CCL26: variants seen among roughly 807,000 people sequenced by gnomAD.
CCL26 encodes the protein C-C motif chemokine ligand 26, also known as C-C motif chemokine 26.
Under a neutral mutation model 10.7 loss-of-function variants are expected in CCL26, and 10 were observed. The observed-to-expected ratio is 0.93, with a 90% CI of 0.57 to 1.58. The LOEUF is 1.58. CCL26 is among the 40% of genes most tolerant of loss of function. The pLI, the probability that CCL26 is intolerant of heterozygous loss-of-function variation, is 0.00. For missense variants in CCL26, 116 were observed against 111.0 expected (o/e 1.05, Z -0.20); for synonymous variants, 43 against 41.4 (o/e 1.04, Z -0.15).
chr7:75,790,419 TA>T (rs60349195), upstream of CCL26, among the ~76,000 whole-genome samples: 8 of 148,362 alleles, frequency 5.4e-5, no homozygotes, highest in Admixed American at 6.8e-5. Context: ...TCTGCTAACT[TA>T]AAAAAAAAAT....
At chr7:75,786,381 C>G (rs1278512429) in intron 1 of CCL26, among the ~76,000 whole-genome samples, 1 of 152,170 alleles carries the variant, frequency 6.6e-6, no homozygotes, top group East Asian at 1.9e-4. Flanking sequence ...CGCTCTGCCT[C>G]CCTCCACTAC....
At chr7:75,773,927 C>T (rs1802882843), upstream of CCL26, among the ~76,000 whole-genome samples, 1 of 152,090 alleles carries the variant, frequency 6.6e-6, no homozygotes, top group Non-Finnish European at 1.5e-5. Context: ...CCAGGCTGGT[C>T]TCAAACTCCT....
At chr7:75,779,372 C>T (rs1803011681) in intron 1 of CCL26, among the ~76,000 whole-genome samples, 1 of 152,182 alleles carries the variant, frequency 6.6e-6, no homozygotes, top group Non-Finnish European at 1.5e-5. Context: ...TCCTCCTGCT[C>T]TTTGCTCCGT....
At chr7:75,790,818 C>T (rs11534087), upstream of CCL26, among the ~76,000 whole-genome samples, 15,388 of 151,540 alleles carry the variant, frequency 0.1, 1,150 homozygotes, top group East Asian at 0.25. Context: ...ATAGTGAGTG[C>T]CTGTAGTCTC....
upstream of CCL26, among the ~76,000 whole-genome samples, chr7:75,790,344 G>T (rs1286136103): frequency 6.7e-6 from 1 of 150,202 alleles, no homozygotes; most frequent in Admixed American, 6.7e-5. Flanking sequence ...CAAGATCCTG[G>T]GCTCAAGCAG....
chr7:75,785,377 TATATTGATGAC>T (rs1803161945), intron 1 of CCL26, among the ~76,000 whole-genome samples: 2 of 152,286 alleles, frequency 1.3e-5, no homozygotes, highest in African/African-American at 4.8e-5. Flanking sequence ...CCTTATTCAA[TATATTGATGAC>T]CTTCTACTTT....
chr7:75,786,922 T>C (rs1299716907), intron 1 of CCL26, among the ~76,000 whole-genome samples: 3 of 152,224 alleles, frequency 2.0e-5, no homozygotes, highest in Non-Finnish European at 4.4e-5. Flanking sequence ...CATGGAAATC[T>C]ATCCTCAAGG....
At chr7:75,777,963 AC>A in intron 1 of CCL26, among the ~76,000 whole-genome samples, 1 of 151,260 alleles carries the variant, frequency 6.6e-6, no homozygotes, top group East Asian at 2.0e-4. Flanking sequence ...CAGGTGATTC[AC>A]CCGCCTCGGC....
chr7:75,785,360 C>T (rs1554529874), intron 1 of CCL26, among the ~76,000 whole-genome samples: 1 of 152,130 alleles, frequency 6.6e-6, no homozygotes, highest in African/African-American at 2.4e-5. Flanking sequence ...TACCCCTCTG[C>T]TTCTCACCTT....
chr7:75,778,855 G>GGT (rs1195474388), intron 1 of CCL26, among the ~76,000 whole-genome samples: 2 of 151,840 alleles, frequency 1.3e-5, no homozygotes, highest in Admixed American at 6.6e-5. Flanking sequence ...AGGTGGGGGG[G>GGT]GCAGATCACT....
intron 2 of CCL26, 107 bp downstream of exon 2, chr7:75,771,782 T>G: frequency 1.4e-6 from 1 of 732,196 alleles, no homozygotes; most frequent in Non-Finnish European, 2.5e-6. Flanking sequence ...TGTGCAGAGG[T>G]GGGGTTTCCA....
upstream of CCL26, among the ~76,000 whole-genome samples, chr7:75,773,238 A>C (rs1802869174): frequency 6.6e-6 from 1 of 152,180 alleles, no homozygotes; most frequent in Non-Finnish European, 1.5e-5. Context: ...GGCCTGGTCA[A>C]CATGGTGAAA....
chr7:75,780,102 T>C (rs1300422381), intron 1 of CCL26, among the ~76,000 whole-genome samples: 1 of 150,196 alleles, frequency 6.7e-6, no homozygotes, highest in Admixed American at 6.6e-5. Context: ...TCCCATCCCT[T>C]TTCCACTTTC....
chr7:75,780,409 CTG>C (rs1554529282), intron 1 of CCL26, among the ~76,000 whole-genome samples: 1 of 152,134 alleles, frequency 6.6e-6, no homozygotes, highest in East Asian at 1.9e-4. Flanking sequence ...CTCCCTTAGC[CTG>C]TGTTCTCAAA....
chr7:75,781,792 C>T (rs1554529494), intron 1 of CCL26, among the ~76,000 whole-genome samples: 2 of 152,058 alleles, frequency 1.3e-5, no homozygotes, highest in African/African-American at 4.8e-5. Flanking sequence ...CTTTACCTAT[C>T]CAAATCCTAT....
chr7:75,771,700 GA>G (rs1802824207), intron 2 of CCL26, among the ~76,000 whole-genome samples, 188 bp downstream of exon 2: 1 of 152,096 alleles, frequency 6.6e-6, no homozygotes, highest in African/African-American at 2.4e-5. Context: ...TGGGCAACAA[GA>G]AAGAAACTCC....
At chr7:75,783,593 A>G (rs1396985914) in intron 1 of CCL26, among the ~76,000 whole-genome samples, 1 of 151,982 alleles carries the variant, frequency 6.6e-6, no homozygotes, top group Non-Finnish European at 1.5e-5. Flanking sequence ...AGGTCAGGAG[A>G]TCGAGACTAC....
chr7:75,790,218 T>TCTTCCTTCCTTC (rs1242802621), upstream of CCL26, among the ~76,000 whole-genome samples: 35 of 66,846 alleles, frequency 5.2e-4, 1 homozygote, highest in South Asian at 2.8e-3. Context: ...TTTCTTTCTT[T>TCTTCCTTCCTTC]CTTCCTTCCT....
chr7:75,781,506 C>A (rs1803063094), intron 1 of CCL26, among the ~76,000 whole-genome samples: 1 of 152,182 alleles, frequency 6.6e-6, no homozygotes, highest in Non-Finnish European at 1.5e-5. Context: ...CTGTGTGGGA[C>A]CCCAATGAAA....
Sources: gnomAD v4.1 joint callset for allele counts (sites outside exome capture counted in the v4.1 genomes callset) on GRCh38, gnomAD v4.1.1 for gene constraint, MANE v1.5 for transcripts, NCBI Gene and HGNC (gene_info 2026-07-23, HGNC 2026-07-21) for gene names.